PPP3CA: variants seen among roughly 807,000 people sequenced by gnomAD.
The protein encoded by PPP3CA is CAM-PRP catalytic subunit.
In PPP3CA, 14 loss-of-function variants were observed where a neutral mutation model predicts 66.5. The ratio of observed to expected loss-of-function variants is 0.21; its 90% CI spans 0.14 to 0.33. The LOEUF (loss-of-function observed/expected upper bound fraction) is 0.33. Among genes scored for constraint, PPP3CA ranks in the 10% least tolerant of loss-of-function variants. PPP3CA has a pLI of 1.00. For synonymous variants in PPP3CA, 232 were observed against 226.2 expected (o/e 1.03, Z -0.23); for missense variants, 317 against 639.5 (o/e 0.50, Z 5.44).
chr4:101,344,355 A>G (rs1402097038), intron 1 of PPP3CA, among the ~76,000 whole-genome samples: 1 of 152,196 alleles, frequency 6.6e-6, no homozygotes, highest in African/African-American at 2.4e-5. Context: ...TGTATGACAA[A>G]AGGTTGAATC....
chr4:101,040,082 C>T (rs988055984), intron 11 of PPP3CA, among the ~76,000 whole-genome samples: 1 of 152,036 alleles, frequency 6.6e-6, no homozygotes, highest in African/African-American at 2.4e-5. Context: ...GGCTGATGTT[C>T]ATTTCCTAGA....
At chr4:101,282,667 T>C (rs73835914) in intron 1 of PPP3CA, among the ~76,000 whole-genome samples, 2,813 of 152,242 alleles carry the variant, frequency 0.018, 110 homozygotes, top group African/African-American at 0.064. Flanking sequence ...GGGGTAGAAT[T>C]AATTTAACAT....
intron 1 of PPP3CA, among the ~76,000 whole-genome samples, chr4:101,220,767 C>CA (rs1725600794): frequency 6.6e-6 from 1 of 151,678 alleles, no homozygotes; most frequent in Non-Finnish European, 1.5e-5. Context: ...CAGTCACACA[C>CA]AAAGGTTTAT....
intron 3 of PPP3CA, among the ~76,000 whole-genome samples, chr4:101,102,799 T>G (rs184097410): frequency 6.6e-6 from 1 of 152,304 alleles, no homozygotes; most frequent in African/African-American, 2.4e-5. Flanking sequence ...ATGGCTAACT[T>G]GAATCAAATT....
At chr4:101,242,806 T>C (rs1726354684) in intron 1 of PPP3CA, among the ~76,000 whole-genome samples, 1 of 152,160 alleles carries the variant, frequency 6.6e-6, no homozygotes, top group African/African-American at 2.4e-5. Flanking sequence ...CATATGCCTA[T>C]AGCCCCAGCT....
intron 10 of PPP3CA, among the ~76,000 whole-genome samples, chr4:101,057,946 C>T (rs1267207458): frequency 6.6e-6 from 1 of 152,078 alleles, no homozygotes; most frequent in African/African-American, 2.4e-5. Flanking sequence ...CTTTCTTCCT[C>T]CTCCTCTCAT....
Position 101,346,922 on chromosome 4 carries a change from T to G in PPP3CA, c.-126A>C, listed in dbSNP as rs1440984115. 10 of 1,110,842 alleles carry G rather than the reference T, an allele frequency of 9.0e-6. No individual in the cohort carries two copies. The highest frequency in any genetic ancestry group is 1.3e-5 in the Non-Finnish European group (10 of 762,740). The allele number at this position is 1,110,842 out of a possible 1,614,324, so 68.8% of individuals were successfully genotyped here. A position where few individuals can be genotyped will look rare whatever the true frequency, so the allele number is the denominator to read the frequency against. On this transcript the variant is annotated 5_prime_UTR_variant, in exon 1 of 14. Transcript: ENST00000394854. ...GCCGCCGCGCTGCAAACCGCTCGGC[T>G]GGAGGTCTAGGCTCTGAGCTGGCTT...
At chr4:101,218,974 C>T (rs547910924) in intron 1 of PPP3CA, among the ~76,000 whole-genome samples, 3 of 152,144 alleles carry the variant, frequency 2.0e-5, no homozygotes, top group African/African-American at 7.2e-5. Context: ...CCTTTGAAAA[C>T]ACCTGCTAAA....
chr4:101,322,602 G>A (rs1310878810), intron 1 of PPP3CA, among the ~76,000 whole-genome samples: 1 of 151,924 alleles, frequency 6.6e-6, no homozygotes, highest in Admixed American at 6.6e-5. Context: ...AAGAGACCGG[G>A]TTTCACCATG....
intron 5 of PPP3CA, 142 bp from the exon 6 acceptor site, chr4:101,094,057 C>T: frequency 1.5e-6 from 1 of 648,942 alleles, no homozygotes; most frequent in Non-Finnish European, 2.3e-6. Context: ...ACCTCTCTCT[C>T]TCTTCCTGTC....
chr4:101,285,514 C>CACA (rs1425879121), intron 1 of PPP3CA, among the ~76,000 whole-genome samples: 1 of 152,006 alleles, frequency 6.6e-6, no homozygotes, highest in East Asian at 1.9e-4. Flanking sequence ...GCCGGTGTCC[C>CACA]ACATCATCTG....
intron 1 of PPP3CA, among the ~76,000 whole-genome samples, chr4:101,242,275 A>G (rs974450132): frequency 1.3e-5 from 2 of 152,198 alleles, no homozygotes; most frequent in Non-Finnish European, 2.9e-5. Context: ...AATTAAAGAC[A>G]TGACCTTAAT....
chr4:101,253,278 A>T (rs999052826), intron 1 of PPP3CA, among the ~76,000 whole-genome samples: 1 of 152,196 alleles, frequency 6.6e-6, no homozygotes, highest in East Asian at 1.9e-4. Flanking sequence ...ATTTTTTAGC[A>T]TACATTCTTA....
At chr4:101,065,507 C>T (rs1229512265) in intron 8 of PPP3CA, among the ~76,000 whole-genome samples, 1 of 151,976 alleles carries the variant, frequency 6.6e-6, no homozygotes. Context: ...TATAATAATC[C>T]GCACAACAAA....
At chr4:101,333,078 T>A (rs1013922193) in intron 1 of PPP3CA, among the ~76,000 whole-genome samples, 2 of 150,696 alleles carry the variant, frequency 1.3e-5, no homozygotes, top group African/African-American at 4.9e-5. Flanking sequence ...AGCTGCAGAA[T>A]TTCAAATATA....
chr4:101,089,077 T>G (rs1050907641), intron 6 of PPP3CA, among the ~76,000 whole-genome samples: 3 of 151,978 alleles, frequency 2.0e-5, no homozygotes, highest in African/African-American at 7.3e-5. Context: ...AGAAAAGAAG[T>G]TCCAGCAGAC....
chr4:101,205,949 G>T (rs1578553412), intron 1 of PPP3CA, among the ~76,000 whole-genome samples: 1 of 152,188 alleles, frequency 6.6e-6, no homozygotes, highest in Non-Finnish European at 1.5e-5. Flanking sequence ...CCTCCAGAGA[G>T]CCAAGGGCAG....
intron 2 of PPP3CA, among the ~76,000 whole-genome samples, chr4:101,182,310 C>T (rs550303762): frequency 6.6e-6 from 1 of 152,158 alleles, no homozygotes; most frequent in Non-Finnish European, 1.5e-5. Flanking sequence ...GAAGATACTA[C>T]CTAATAAACA....
At chr4:101,080,147 A>AT (rs1729370693) in intron 8 of PPP3CA, among the ~76,000 whole-genome samples, 2 of 152,108 alleles carry the variant, frequency 1.3e-5, no homozygotes, top group Non-Finnish European at 1.5e-5. Flanking sequence ...TACTGGGTTT[A>AT]TTTTTTATTT....
Sources: gnomAD v4.1 joint callset for allele counts (sites outside exome capture counted in the v4.1 genomes callset) on GRCh38, gnomAD v4.1.1 for gene constraint, MANE v1.5 for transcripts, NCBI Gene and HGNC (gene_info 2026-07-23, HGNC 2026-07-21) for gene names.